Variants in NKAIN3 observed in about 807,000 individuals in gnomAD.
The protein encoded by NKAIN3 is sodium/potassium-transporting ATPase subunit beta-1-interacting protein 3.
A neutral mutation model predicts 30.2 loss-of-function variants in NKAIN3; 25 were observed. The observed-to-expected ratio is 0.83, with a 90% CI of 0.60 to 1.16. NKAIN3 has a LOEUF of 1.16. Among genes scored for constraint, NKAIN3 ranks in the 50% most tolerant of loss-of-function variants. The probability of loss-of-function intolerance (pLI) is 0.00; values close to 1 mark genes in which losing one functional copy is unlikely to be tolerated. For synonymous variants in NKAIN3, 91 were observed against 89.6 expected (o/e 1.02, Z -0.09); for missense variants, 225 against 254.1 (o/e 0.89, Z 0.78).
rs542690195 is a variant in NKAIN3, at chr8:62,568,525, T to C, written c.55-11014T>C. ...AGTGCACAAGAAAAACAAAAGACTTTCCTGAGTGAATTTGTGATACATAGA... is the reference window on the plus strand; with the variant it reads ...AGTGCACAAGAAAAACAAAAGACTTCCCTGAGTGAATTTGTGATACATAGA... On this transcript the variant is annotated intron_variant, in intron 1 of 6. Coordinates refer to ENST00000623646, the MANE Select transcript of NKAIN3 (RefSeq NM_001304533.3). Among the ~76,000 whole-genome samples, 4 of 152,312 alleles carry C rather than the reference T, an allele frequency of 2.6e-5. No individual in the cohort carries two copies. The South Asian group carries it at 8.3e-4, about 32-fold the overall frequency.
intron 1 of NKAIN3, among the ~76,000 whole-genome samples, chr8:62,281,142 A>T (rs964914340): frequency 6.6e-6 from 1 of 151,806 alleles, no homozygotes; most frequent in African/African-American, 2.4e-5. Context: ...TTTCTTCTAG[A>T]TTTTCTAGTG....
intron 4 of NKAIN3, among the ~76,000 whole-genome samples, chr8:62,876,574 C>T (rs1049841453): frequency 7.2e-5 from 11 of 152,008 alleles, no homozygotes; most frequent in African/African-American, 2.2e-4. Context: ...AAATGCCCAT[C>T]GATGATAGAC....
intron 3 of NKAIN3, among the ~76,000 whole-genome samples, chr8:62,729,050 A>AAAAAAAC: frequency 1.4e-5 from 2 of 143,388 alleles, no homozygotes; most frequent in African/African-American, 2.5e-5. Context: ...CAAAAAAAAA[A>AAAAAAAC]AACCTCCTGC....
chr8:62,811,086 C>T (rs960331372), intron 4 of NKAIN3, among the ~76,000 whole-genome samples: 8 of 152,052 alleles, frequency 5.3e-5, no homozygotes, highest in African/African-American at 1.7e-4. Context: ...TCTGACAATC[C>T]CTACTCTGTT....
At chr8:62,456,278 T>C (rs752309493) in intron 1 of NKAIN3, among the ~76,000 whole-genome samples, 12 of 152,074 alleles carry the variant, frequency 7.9e-5, no homozygotes, top group Admixed American at 2.6e-4. Context: ...TCCCAGAACT[T>C]TGGGAGGCCG....
At chr8:62,633,700 T>A (rs929583315) in intron 3 of NKAIN3, among the ~76,000 whole-genome samples, 3 of 152,168 alleles carry the variant, frequency 2.0e-5, no homozygotes, top group Admixed American at 2.0e-4. Context: ...TGCCACGCTG[T>A]CTGTCATGGA....
At chr8:62,955,695 G>A (rs1338666846) in intron 6 of NKAIN3, among the ~76,000 whole-genome samples, 6 of 152,194 alleles carry the variant, frequency 3.9e-5, no homozygotes, top group Non-Finnish European at 8.8e-5. Flanking sequence ...ATGTACCTAT[G>A]TACCTCAAAA....
chr8:62,642,524 C>G (rs1046803454), intron 3 of NKAIN3, among the ~76,000 whole-genome samples: 2 of 152,034 alleles, frequency 1.3e-5, no homozygotes, highest in Non-Finnish European at 2.9e-5. Flanking sequence ...AATTTATTCC[C>G]CCTTTCTTGG....
chr8:62,494,227 T>G (rs561169849), intron 1 of NKAIN3, among the ~76,000 whole-genome samples: 2 of 152,310 alleles, frequency 1.3e-5, no homozygotes, highest in African/African-American at 2.4e-5. Flanking sequence ...ATTTTTAACA[T>G]GAAATGATGT....
chr8:62,527,935 C>T (rs925320614), intron 1 of NKAIN3, among the ~76,000 whole-genome samples: 5 of 129,842 alleles, frequency 3.9e-5, no homozygotes, highest in African/African-American at 6.0e-5. Flanking sequence ...GACAGAGAGA[C>T]AGAAAGAGAG....
At chr8:62,940,474 C>A (rs1215404696) in intron 5 of NKAIN3, among the ~76,000 whole-genome samples, 1 of 152,088 alleles carries the variant, frequency 6.6e-6, no homozygotes, top group Non-Finnish European at 1.5e-5. Flanking sequence ...ACATTCTATT[C>A]ATAAGCACAT....
chr8:62,585,385 A>C (rs1054747342), intron 2 of NKAIN3, among the ~76,000 whole-genome samples: 1 of 152,182 alleles, frequency 6.6e-6, no homozygotes, highest in Non-Finnish European at 1.5e-5. Flanking sequence ...AGAATATGAA[A>C]ACAACTTTGC....
chr8:62,833,877 G>T (rs548350956), intron 4 of NKAIN3, among the ~76,000 whole-genome samples: 23 of 152,018 alleles, frequency 1.5e-4, no homozygotes, highest in African/African-American at 5.3e-4. Flanking sequence ...CACGAAAAAA[G>T]AAAACTACAG....
At chr8:62,744,606 T>C (rs1487079010) in intron 3 of NKAIN3, among the ~76,000 whole-genome samples, 1 of 152,204 alleles carries the variant, frequency 6.6e-6, no homozygotes, top group Non-Finnish European at 1.5e-5. Flanking sequence ...AGAAATAATG[T>C]ATAGTTCTTC....
intron 1 of NKAIN3, among the ~76,000 whole-genome samples, chr8:62,554,730 T>C (rs919805138): frequency 6.6e-6 from 1 of 152,058 alleles, no homozygotes; most frequent in Non-Finnish European, 1.5e-5. Flanking sequence ...AATCACAAAA[T>C]TTTCCAAAGA....
At chr8:62,352,490 A>G (rs193177358) in intron 1 of NKAIN3, among the ~76,000 whole-genome samples, 573 of 152,320 alleles carry the variant, frequency 3.8e-3, no homozygotes, top group Non-Finnish European at 5.9e-3. Flanking sequence ...TGAATCAAAT[A>G]AAAACATGCA....
intron 4 of NKAIN3, among the ~76,000 whole-genome samples, chr8:62,824,851 T>C (rs927159912): frequency 1.3e-5 from 2 of 152,170 alleles, no homozygotes; most frequent in African/African-American, 4.8e-5. Context: ...TGATGCCACA[T>C]GCCATTTACC....
chr8:62,802,138 T>C (rs1159946562), intron 4 of NKAIN3, among the ~76,000 whole-genome samples: 1 of 152,126 alleles, frequency 6.6e-6, no homozygotes, highest in Non-Finnish European at 1.5e-5. Context: ...CAAATCTACG[T>C]CTGATTGGTG....
intron 4 of NKAIN3, among the ~76,000 whole-genome samples, chr8:62,773,052 T>C (rs988844329): frequency 3.9e-5 from 6 of 152,180 alleles, no homozygotes; most frequent in Admixed American, 3.3e-4. Flanking sequence ...CTGTCAGACA[T>C]ACAGTTTGCC....
Sources: allele counts gnomAD v4.1 joint callset (sites outside exome capture counted in the v4.1 genomes callset), GRCh38; gene constraint gnomAD v4.1.1; transcripts MANE v1.5; gene names NCBI Gene and HGNC (gene_info 2026-07-23, HGNC 2026-07-21).